SMC6: variants seen among roughly 807,000 people sequenced by gnomAD.
SMC6 encodes structural maintenance of chromosomes protein 6.
A neutral mutation model predicts 142.2 loss-of-function variants in SMC6; 79 were observed. The ratio of observed to expected loss-of-function variants is 0.56; its 90% CI spans 0.46 to 0.67. SMC6 has a LOEUF of 0.67. SMC6 is among the 30% of genes least tolerant of loss of function. The pLI is 0.00. For synonymous variants in SMC6, 411 were observed against 412.4 expected (o/e 1.00, Z 0.04); for missense variants, 1,072 against 1,284.0 (o/e 0.83, Z 2.52).
chr2:17,725,504 C>T, intron 8 of SMC6, 146 bp from the exon 9 acceptor site: 1 of 555,606 alleles, frequency 1.8e-6, no homozygotes, highest in Non-Finnish European at 3.1e-6. Flanking sequence ...CACACAAACA[C>T]AAAAGAATAC....
At position 17,679,093 on chromosome 2, in the gene SMC6, T is replaced by G. The variant is rs941989825; in HGVS notation, c.2805-129A>C. 3.5e-5 allele frequency: 21 copies of G among 602,286 alleles called. No individual in the cohort carries two copies. In the South Asian group the frequency reaches 5.7e-4, roughly 16 times the overall value. 37.3% of individuals were successfully genotyped at this position (602,286 alleles called of 1,614,324 possible). On this transcript the variant is annotated intron_variant, in intron 24 of 27. Coordinates refer to ENST00000448223, the MANE Select transcript of SMC6 (RefSeq NM_001142286.2). ...AAAATGTAAACATTGGTTACTCATT[T>G]AATAGTTGAGTTTTAGGTAGTATTT...
At chr2:17,720,625 C>T (rs1669319582) in intron 11 of SMC6, among the ~76,000 whole-genome samples, 1 of 152,160 alleles carries the variant, frequency 6.6e-6, no homozygotes, top group South Asian at 2.1e-4. Context: ...TGTTTCAACT[C>T]CTTAATGAAC....
At chr2:17,737,937 G>C (rs987582495) in intron 5 of SMC6, among the ~76,000 whole-genome samples, 1 of 152,068 alleles carries the variant, frequency 6.6e-6, no homozygotes, top group Non-Finnish European at 1.5e-5. Context: ...TGTTAAACAG[G>C]GTACATAGAT....
At chr2:17,752,447 A>G (rs1010038939) in intron 2 of SMC6, among the ~76,000 whole-genome samples, 2 of 152,198 alleles carry the variant, frequency 1.3e-5, no homozygotes, top group African/African-American at 4.8e-5. Flanking sequence ...GGATGCACTG[A>G]TAACTGTATT....
intron 23 of SMC6, among the ~76,000 whole-genome samples, chr2:17,689,569 T>C (rs1667608618): frequency 6.6e-6 from 1 of 152,218 alleles, no homozygotes; most frequent in South Asian, 2.1e-4. Flanking sequence ...TGTGTGCATG[T>C]ATACATGCTA....
chr2:17,730,564 ATATTATGTATTG>A (rs1419630403), intron 7 of SMC6, among the ~76,000 whole-genome samples: 10 of 151,742 alleles, frequency 6.6e-5, no homozygotes, highest in African/African-American at 2.2e-4. Context: ...TAAAGGTGTT[ATATTATGTATTG>A]ACAGTCCTGT....
At chr2:17,693,549 G>A (rs1272614362) in intron 23 of SMC6, among the ~76,000 whole-genome samples, 3 of 152,200 alleles carry the variant, frequency 2.0e-5, no homozygotes, top group African/African-American at 7.2e-5. Flanking sequence ...CGGCTGTGTG[G>A]TGGGGGGAGG....
At chr2:17,724,877 T>C (rs1669538487) in intron 9 of SMC6, among the ~76,000 whole-genome samples, 1 of 152,176 alleles carries the variant, frequency 6.6e-6, no homozygotes, top group African/African-American at 2.4e-5. Flanking sequence ...GCTTGAAGCT[T>C]GTGCTTATTA....
chr2:17,746,472 GCA>G (rs1670749486), intron 2 of SMC6: 1 of 152,160 alleles, frequency 6.6e-6, no homozygotes, highest in Admixed American at 6.5e-5. Context: ...CCAAAGCAAT[GCA>G]CAATTTTCAC....
At chr2:17,694,495 A>G (rs1018985162) in intron 23 of SMC6, among the ~76,000 whole-genome samples, 1 of 152,214 alleles carries the variant, frequency 6.6e-6, no homozygotes, top group Non-Finnish European at 1.5e-5. Context: ...TTTTGACAAA[A>G]TATGTTGACA....
chr2:17,694,737 AG>A (rs755652693), intron 23 of SMC6, among the ~76,000 whole-genome samples: 21,082 of 152,142 alleles, frequency 0.14, 1,735 homozygotes, highest in African/African-American at 0.24. Flanking sequence ...AATTATCAAG[AG>A]CATCTGTTTT....
chr2:17,669,158 A>G (rs1309335978), intron 26 of SMC6, among the ~76,000 whole-genome samples: 2 of 152,238 alleles, frequency 1.3e-5, no homozygotes, highest in East Asian at 3.9e-4. Context: ...GGTAAATCAC[A>G]GATGTCAAAG....
At chr2:17,715,156 T>C in intron 15 of SMC6, 91 bp from the exon 16 acceptor site, 1 of 1,154,414 alleles carries the variant, frequency 8.7e-7, no homozygotes, top group Non-Finnish European at 1.2e-6. Context: ...ATAAATGACT[T>C]ATATTTTTAT....
chr2:17,723,385 T>C (rs1669467637), intron 9 of SMC6, among the ~76,000 whole-genome samples: 1 of 152,208 alleles, frequency 6.6e-6, no homozygotes, highest in Non-Finnish European at 1.5e-5. Flanking sequence ...GCCCCCTAAA[T>C]TTTATAAGGT....
At chr2:17,675,671 T>C (rs2103488481) in intron 25 of SMC6, among the ~76,000 whole-genome samples, 1 of 152,242 alleles carries the variant, frequency 6.6e-6, no homozygotes, top group Admixed American at 6.5e-5. Flanking sequence ...CTTTAAAGTC[T>C]GTCAGGTAAC....
At chr2:17,726,900 C>T (rs1267192410) in intron 7 of SMC6, among the ~76,000 whole-genome samples, 1 of 152,290 alleles carries the variant, frequency 6.6e-6, no homozygotes. Context: ...TTGCTAACTT[C>T]CTATGTAGCC....
At chr2:17,726,517 A>G in intron 7 of SMC6, 48 bp from the exon 8 acceptor site, 1 of 1,506,206 alleles carries the variant, frequency 6.6e-7, no homozygotes, top group East Asian at 2.3e-5. Flanking sequence ...TTAATGCTTT[A>G]AAGATAGGTA....
intron 27 of SMC6, 116 bp from the exon 28 acceptor site, chr2:17,665,729 A>G: frequency 4.0e-6 from 2 of 499,980 alleles, no homozygotes; most frequent in South Asian, 3.7e-5. Flanking sequence ...TATCTGGGAT[A>G]TATCTAATAT....
intron 11 of SMC6, 102 bp downstream of exon 11, chr2:17,720,838 T>G (rs1669330568): frequency 2.1e-6 from 2 of 973,416 alleles, no homozygotes; most frequent in Non-Finnish European, 3.1e-6. Context: ...TATAGACAAA[T>G]ATACTGTCTG....
Sources: allele counts gnomAD v4.1 joint callset (sites outside exome capture counted in the v4.1 genomes callset), GRCh38; gene constraint gnomAD v4.1.1; transcripts MANE v1.5; gene names NCBI Gene and HGNC (gene_info 2026-07-23, HGNC 2026-07-21).